PDHB: variants seen among roughly 807,000 people sequenced by gnomAD.
PDHB encodes the protein pyruvate dehydrogenase E1 subunit beta.
Under a neutral mutation model 42.8 loss-of-function variants are expected in PDHB, and 17 were observed. The ratio of observed to expected loss-of-function variants is 0.40; its 90% CI spans 0.27 to 0.60. The LOEUF (loss-of-function observed/expected upper bound fraction) is 0.60. PDHB is among the 20% of genes least tolerant of loss of function. The pLI, the probability that PDHB is intolerant of heterozygous loss-of-function variation, is 0.46. For missense variants in PDHB, 322 were observed against 451.3 expected (o/e 0.71, Z 2.60); for synonymous variants, 154 against 148.7 (o/e 1.04, Z -0.26).
intron 7 of PDHB, 123 bp downstream of exon 7, chr3:58,430,005 G>T: frequency 1.3e-6 from 1 of 743,542 alleles, no homozygotes; most frequent in East Asian, 2.7e-5. Flanking sequence ...TGAGAAATTG[G>T]GGCATCTTGA....
At chr3:58,429,636 C>A in intron 8 of PDHB, 72 bp downstream of exon 8, 1 of 935,714 alleles carries the variant, frequency 1.1e-6, no homozygotes, top group Non-Finnish European at 1.8e-6. Flanking sequence ...TAACCTGTTA[C>A]AGAACTCTTC....
chr3:58,431,830 G>A lies in PDHB; in HGVS notation c.205-37C>T, dbSNP rs376564880. The A allele has an allele frequency of 2.4e-5, 39 of 1,606,868 alleles. No homozygotes were observed. Among genetic ancestry groups the A allele is most frequent in the Non-Finnish European group, 3.0e-5 (35 of 1,173,572 alleles). On this transcript the variant is annotated intron_variant, in intron 3 of 9. Transcript: ENST00000302746. The surrounding 1 kb of genome is among the most constrained non-coding windows in gnomAD (Gnocchi z 4.4). Reference sequence around the variant, plus strand: ...AGTTGATCCCTTAAGTGTATCTGGGGGTAACAGTGACCTCAATTTTGTATA... The same window carrying A: ...AGTTGATCCCTTAAGTGTATCTGGGAGTAACAGTGACCTCAATTTTGTATA...
rs1334905351 is a variant in PDHB at position 58,427,732 on chromosome 3, T to G, written c.*302A>C. The G allele has an allele frequency of 6.1e-6, 3 of 491,874 alleles. No individual in the cohort carries two copies. In the Admixed American group the frequency reaches 6.9e-5, roughly 11 times the overall value. The allele number at this position is 491,874 out of a possible 1,614,324, so 30.5% of individuals were successfully genotyped here. On this transcript the variant is annotated 3_prime_UTR_variant, in exon 10 of 10. Coordinates refer to ENST00000302746, the MANE Select transcript of PDHB (RefSeq NM_000925.4). The stretch of plus-strand genomic sequence containing the variant: ...ATAAGTTATCTTGTTTGGATACATC[T>G]TTCATGAGGACTCTGCCACATCCAT...
rs948901488 is a variant in PDHB, at chr3:58,433,551, G to A, written c.96+80C>T. On this transcript the variant is annotated intron_variant, in intron 2 of 9. Transcript: ENST00000302746. Reference sequence around the variant, plus strand: ...GCCCACGGCGCCGGAAGGCCACAGCGCAGGCGCGACTCCGGCCTCCTTCCC... The same window carrying A: ...GCCCACGGCGCCGGAAGGCCACAGCACAGGCGCGACTCCGGCCTCCTTCCC... The A allele has an allele frequency of 5.5e-6, 8 of 1,457,758 alleles. No homozygotes were observed. The African/African-American group carries it at 7.0e-5, about 13-fold the overall frequency. 90.3% of individuals were successfully genotyped at this position (1,457,758 alleles called of 1,614,324 possible). A position where few individuals can be genotyped will look rare whatever the true frequency, so the allele number is the denominator to read the frequency against.
rs1257617994 is a variant in PDHB, at chr3:58,430,233, C to T, written c.595G>A (p.Val199Met). Reference protein sequence around the residue: ...SAIRDNNPVVVLENELMYGVP... With the variant: ...SAIRDNNPVVMLENELMYGVP... ...CCATACATCAATTCATTCTCTAGCA[C>T]CACCACTGAAAAACATAAATATTTA... Residue 199 changes from valine to methionine, a missense_variant, in exon 7 of 10, where the codon GTG becomes ATG. Coordinates refer to ENST00000302746, the MANE Select transcript of PDHB (RefSeq NM_000925.4). 3.1e-6 allele frequency: 5 copies of T among 1,587,366 alleles called. No individual in the cohort carries two copies. The South Asian group carries it at 4.4e-5, about 14-fold the overall frequency.
intron 6 of PDHB, 94 bp from the exon 7 acceptor site, chr3:58,430,332 T>TTCA (rs1269514928): frequency 1.1e-6 from 1 of 894,340 alleles, no homozygotes; most frequent in African/African-American, 1.7e-5. Flanking sequence ...TGTGAGAAGT[T>TTCA]TCATTGTGCT....
chr3:58,433,265 G>A (rs1354004325), intron 2 of PDHB: 3 of 373,916 alleles, frequency 8.0e-6, no homozygotes, highest in Non-Finnish European at 1.5e-5. Context: ...TTCTGGAAAT[G>A]GATGGTGGTT....
chr3:58,433,450 C>T (rs1576959182), intron 2 of PDHB, 181 bp downstream of exon 2: 1 of 662,174 alleles, frequency 1.5e-6, no homozygotes, highest in African/African-American at 1.8e-5. Context: ...GGTGGTGACT[C>T]GCCGGTGTGC....
At position 58,428,130 on chromosome 3, in the gene PDHB, A is replaced by C. The variant is rs1231576426; in HGVS notation, c.984T>G (p.Ala328=). 1 of 1,613,342 alleles carries C rather than the reference A, an allele frequency of 6.2e-7. No individual in the cohort carries two copies. Among genetic ancestry groups the C allele is most frequent in the South Asian group, 1.1e-5 (1 of 91,082 alleles). ...TCTTTGCATAAGGCATAGGGACATC[A>C]GCACCAGTGACACGAACAGCAGGAG... ...LDAPAVRVTG[A]DVPMPYAKIL... The change falls in exon 10 of 10, where the codon GCT becomes GCG. Residue 328 remains alanine (A), a synonymous_variant. Coordinates refer to ENST00000302746, the MANE Select transcript of PDHB (RefSeq NM_000925.4).
At position 58,431,674 on chromosome 3, in the gene PDHB, G is replaced by T. The variant is rs760034027; in HGVS notation, c.268-46C>A. On this transcript the variant is annotated intron_variant, in intron 4 of 9. Transcript: ENST00000302746. The surrounding 1 kb of genome is among the most constrained non-coding windows in gnomAD (Gnocchi z 4.4). ...ATAAGTGAAAATCCATAAAAATGAG[G>T]ATAATGGACACTAACAGACATGCCC... 49 of 1,598,984 alleles carry T rather than the reference G, an allele frequency of 3.1e-5. 1 individual carries two copies. The highest frequency in any genetic ancestry group is 2.8e-4 in the Admixed American group (17 of 59,988).
At chr3:58,428,324 T>C in intron 9 of PDHB, 145 bp from the exon 10 acceptor site, 6 of 1,226,122 alleles carry the variant, frequency 4.9e-6, no homozygotes, top group African/African-American at 1.5e-5. Flanking sequence ...TTTAAAAATA[T>C]CTGCCTGAAG....
In PDHB at chr3:58,429,705, C is replaced by A; in HGVS notation, c.792+3G>T. ...CTTTAAGAACAAGTAAATGTCCACT[C>A]ACCTCACATTCAACTCCTTCTTTAG... On this transcript the variant is annotated splice_donor_region_variant and intron_variant, in intron 8 of 9. Coordinates refer to ENST00000302746, the MANE Select transcript of PDHB (RefSeq NM_000925.4). The A allele has an allele frequency of 5.7e-6, 9 of 1,575,068 alleles. No individual in the cohort carries two copies. The highest frequency in any genetic ancestry group is 7.0e-6 in the Non-Finnish European group (8 of 1,144,416).
At position 58,428,522 on chromosome 3, in the gene PDHB, G is replaced by A. The variant is rs763844372; in HGVS notation, c.885C>T (p.Gly295=). 1 of 1,614,072 alleles carries A rather than the reference G, an allele frequency of 6.2e-7. No homozygotes were observed. The highest frequency in any genetic ancestry group is 1.7e-5 in the Admixed American group (1 of 60,016). The change falls in exon 9 of 10, where the codon GGC becomes GGT. Residue 295 remains glycine, a synonymous_variant. Transcript: ENST00000302746. ...KTNHLVTVEG[G]WPQFGVGAEI... The stretch of plus-strand genomic sequence containing the variant: ...CAGCTCCTACTCCAAACTGTGGCCA[G>A]CCTCCTTCCACAGTTACAAGATGAT...
Position 58,431,649 on chromosome 3 carries a change from A to C in PDHB, c.268-21T>G, listed in dbSNP as rs746264903. ...CCCATCTATAAAGTAAAATATAAAC[A>C]TAAGTGAAAATCCATAAAAATGAGG... is the stretch of plus-strand genomic sequence containing the variant. On this transcript the variant is annotated intron_variant, in intron 4 of 9. Coordinates refer to ENST00000302746, the MANE Select transcript of PDHB (RefSeq NM_000925.4). The surrounding 1 kb of genome is among the most constrained non-coding windows in gnomAD (Gnocchi z 4.4). 1 of 1,608,636 alleles carries C rather than the reference A, an allele frequency of 6.2e-7. No individual in the cohort carries two copies. Among genetic ancestry groups the C allele is most frequent in the Non-Finnish European group, 8.5e-7 (1 of 1,175,198 alleles).
At chr3:58,428,210 G>A (rs775909374) in intron 9 of PDHB, 31 bp from the exon 10 acceptor site, 6 of 1,608,808 alleles carry the variant, frequency 3.7e-6, no homozygotes, top group South Asian at 2.2e-5. Context: ...CTGAGAGAGT[G>A]CAAATGCCAG....
In PDHB at chr3:58,431,758, CTT is replaced by C. The variant is rs1390415306; in HGVS notation, c.238_239del (p.Lys80GlufsTer4). The C allele has an allele frequency of 1.2e-6, 2 of 1,613,926 alleles. No individual in the cohort carries two copies. The highest frequency in any genetic ancestry group is 1.7e-6 in the Non-Finnish European group (2 of 1,179,828). On this transcript the variant is annotated frameshift_variant, in exon 4 of 10. Transcript: ENST00000302746. LOFTEE classifies it high-confidence loss of function. The surrounding 1 kb of genome is among the most constrained non-coding windows in gnomAD (Gnocchi z 4.4). ...SRGLWKKYGD[K>X]RIIDTPISEM... The stretch of plus-strand genomic sequence containing the variant: ...CTGATATGGGAGTGTCAATAATCCT[CTT>C]GTCTCCATATTTCTTCCACAGCCCT...
chr3:58,428,689 CTTTT>C, intron 8 of PDHB, 75 bp from the exon 9 acceptor site: 1 of 1,101,994 alleles, frequency 9.1e-7, no homozygotes, highest in Non-Finnish European at 1.3e-6. Context: ...ATACCATTTC[CTTTT>C]TTGTTTCCTG....
chr3:58,428,041 T>G lies in PDHB; in HGVS notation c.1073A>C (p.Asn358Thr). Residue 358 changes from asparagine (N) to threonine (T), a missense_variant, in exon 10 of 10, where the codon AAT becomes ACT. By Grantham distance (65) the Asn-to-Thr change is moderately conservative. Coordinates refer to ENST00000302746, the MANE Select transcript of PDHB (RefSeq NM_000925.4). ...DIIFAIKKTL[N>T]I is the part of the protein sequence containing the mutation. ...TTGATATTCAAGTCCAAACTAAATA[T>G]TTAATGTTTTCTTTATTGCAAATAT... 1 of 1,605,442 alleles carries G rather than the reference T, an allele frequency of 6.2e-7. No individual in the cohort carries two copies. Among genetic ancestry groups the G allele is most frequent in the Non-Finnish European group, 8.5e-7 (1 of 1,172,104 alleles).
intron 2 of PDHB, chr3:58,433,357 T>C: frequency 1.7e-6 from 1 of 591,534 alleles, no homozygotes; most frequent in Non-Finnish European, 3.0e-6. Context: ...TAGGTCTATT[T>C]TGCTGCAATT....
Sources: gnomAD v4.1 joint callset for allele counts on GRCh38, gnomAD v4.1.1 for gene constraint, Gnocchi (gnomAD v3.1) non-coding constraint, MANE v1.5 for transcripts, NCBI Gene and HGNC (gene_info 2026-07-23, HGNC 2026-07-21) for gene names.